ANKEF1: variants seen among roughly 807,000 people sequenced by gnomAD.
ANKEF1 encodes ankyrin repeat and EF-hand domain-containing protein 1.
A neutral mutation model predicts 65.1 loss-of-function variants in ANKEF1; 43 were observed. That is an observed-to-expected ratio of 0.66 (90% CI 0.52 to 0.85). ANKEF1 has a LOEUF of 0.85. ANKEF1 is among the 40% of genes least tolerant of loss of function. The pLI is 0.00. For synonymous variants in ANKEF1, 316 were observed against 341.5 expected (o/e 0.93, Z 0.82); for missense variants, 934 against 952.9 (o/e 0.98, Z 0.26).
At chr20:10,051,145 C>G (rs1276306670) in intron 7 of ANKEF1, among the ~76,000 whole-genome samples, 2 of 152,008 alleles carry the variant, frequency 1.3e-5, no homozygotes, top group Non-Finnish European at 2.9e-5. Flanking sequence ...CTTGTTAACA[C>G]AGTAGTTACA....
Position 10,043,711 on chromosome 20 carries a change from T to G in ANKEF1, c.546+390T>G, listed in dbSNP as rs557088594. Among the ~76,000 whole-genome samples, 6 of 139,494 alleles carry G rather than the reference T, an allele frequency of 4.3e-5. No individual in the cohort carries two copies. In the South Asian group the frequency reaches 1.4e-3, roughly 32 times the overall value. 91.5% of individuals were successfully genotyped at this position (139,494 alleles called of 152,430 possible). On this transcript the variant is annotated intron_variant, in intron 4 of 10. Transcript: ENST00000378392. Reference sequence around the variant, plus strand: ...TCTCACTCTGTTGCCCAGGTTGGAGTGCAGTGGTCCAATCTTGGCTCACTG... The same window carrying G: ...TCTCACTCTGTTGCCCAGGTTGGAGGGCAGTGGTCCAATCTTGGCTCACTG...
Position 10,043,030 on chromosome 20 carries a change from T to G in ANKEF1, c.347-92T>G, listed in dbSNP as rs896392412. On this transcript the variant is annotated intron_variant, in intron 3 of 10. Transcript: ENST00000378392. ...AAACTGAGGCAGATATGCCTTTAAC[T>G]AGCTAAATATGGATTTTTAATAATT... is the stretch of plus-strand genomic sequence containing the variant. The G allele has an allele frequency of 2.3e-6, 3 of 1,282,256 alleles. No homozygotes were observed. In the African/African-American group the frequency reaches 4.5e-5, roughly 19 times the overall value. 79.4% of individuals were successfully genotyped at this position (1,282,256 alleles called of 1,614,324 possible). A position where few individuals can be genotyped will look rare whatever the true frequency, so the allele number is the denominator to read the frequency against.
At position 10,038,447 on chromosome 20, in the gene ANKEF1, T is replaced by A; in HGVS notation, c.146T>A (p.Leu49His). 1 of 1,614,228 alleles carries A rather than the reference T, an allele frequency of 6.2e-7. No homozygotes were observed. Among genetic ancestry groups the A allele is most frequent in the Non-Finnish European group, 8.5e-7 (1 of 1,180,028 alleles). Residue 49 changes from leucine (L) to histidine (H), a missense_variant, in exon 3 of 11, where the codon CTT (leucine) becomes CAT (histidine). Leu to His is a moderately conservative substitution (Grantham distance 99). Coordinates refer to ENST00000378392, the MANE Select transcript of ANKEF1 (RefSeq NM_022096.6). ...AATTATACAGAACCCATTAATGGAC[T>A]TAGTGCTTTGCACTTAGCCTCAGTT... Reference protein sequence around the residue: ...LINYTEPINGLSALHLASVSN... With the variant: ...LINYTEPINGHSALHLASVSN...
rs771117764 is a variant in ANKEF1, at chr20:10,050,180, CAT to C, written c.1613_1614del (p.Ile538ArgfsTer8). 3.1e-6 allele frequency: 5 copies of C among 1,612,512 alleles called. No homozygotes were observed. In the African/African-American group the frequency reaches 4.0e-5, roughly 13 times the overall value. On this transcript the variant is annotated frameshift_variant, in exon 7 of 11. Transcript: ENST00000378392. LOFTEE classifies it high-confidence loss of function. ...TAATGACGGCGTGTGCAAGTGGAAA[CAT>C]AGATGTGGTCAAGTTTCTTCTTGAA... ...PLMTACASGN[I>X]DVVKFLLEKG...
At chr20:10,055,283 A>G (rs1416063861) in intron 10 of ANKEF1, among the ~76,000 whole-genome samples, 2 of 152,074 alleles carry the variant, frequency 1.3e-5, no homozygotes, top group Admixed American at 1.3e-4. Flanking sequence ...TTGTCTAGAC[A>G]GTCATCATCA....
chr20:10,047,541 T>C (rs1984586220), intron 6 of ANKEF1, among the ~76,000 whole-genome samples: 2 of 152,196 alleles, frequency 1.3e-5, no homozygotes, highest in South Asian at 4.1e-4. Context: ...TGGATTCATT[T>C]CTCACATTTC....
chr20:10,049,828 TG>T lies in ANKEF1; in HGVS notation c.1262del (p.Gly421AlafsTer35). 6.2e-7 allele frequency: 1 copy of T among 1,614,078 alleles called. No individual in the cohort carries two copies. The highest frequency in any genetic ancestry group is 8.5e-7 in the Non-Finnish European group (1 of 1,179,992). On this transcript the variant is annotated frameshift_variant, in exon 7 of 11. Coordinates refer to ENST00000378392, the MANE Select transcript of ANKEF1 (RefSeq NM_022096.6). LOFTEE classifies it high-confidence loss of function. ...SYGPKKKEKG[M>X]GKKGKKGKFV... is the part of the protein sequence containing the mutation. ...GGACCTAAGAAAAAGGAAAAAGGGA[TG>T]GGCAAAAAAGGAAAGAAAGGGAAAT... is the stretch of plus-strand genomic sequence containing the variant.
At chr20:10,050,281 A>G in intron 7 of ANKEF1, 69 bp downstream of exon 7, 1 of 1,300,712 alleles carries the variant, frequency 7.7e-7, no homozygotes, top group Non-Finnish European at 1.1e-6. Context: ...TGAAAAGATG[A>G]CCGAATTTTA....
intron 3 of ANKEF1, among the ~76,000 whole-genome samples, chr20:10,042,292 G>A (rs1358367207): frequency 6.6e-6 from 1 of 151,764 alleles, no homozygotes; most frequent in Non-Finnish European, 1.5e-5. Context: ...TATCCTTTTT[G>A]CGTGGCTTTC....
rs749551251 is a variant in ANKEF1, at chr20:10,051,879, A to G, written c.1860A>G (p.Glu620=). 1 of 1,609,040 alleles carries G rather than the reference A, an allele frequency of 6.2e-7. No homozygotes were observed. Among genetic ancestry groups the G allele is most frequent in the Non-Finnish European group, 8.5e-7 (1 of 1,177,754 alleles). The change falls in exon 8 of 11, where the codon GAA becomes GAG. Residue 620 remains glutamate, a synonymous_variant. Transcript: ENST00000378392. ...ATATTGGTGCTAAATTCCAGCTGGA[A>G]AATAGAAAAGGTATGCGTTCATATT... ...LLDIGAKFQL[E]NRKGHSAMDV... is the part of the protein sequence containing the mutation.
chr20:10,036,118 A>AT (rs1181961740), intron 2 of ANKEF1, among the ~76,000 whole-genome samples: 1 of 152,208 alleles, frequency 6.6e-6, no homozygotes, highest in East Asian at 1.9e-4. Flanking sequence ...GAAGGACACT[A>AT]TACAGGGTGC....
At chr20:10,038,215 G>T in intron 2 of ANKEF1, 43 bp from the exon 3 acceptor site, 3 of 811,994 alleles carry the variant, frequency 3.7e-6, no homozygotes. Context: ...AAATGAAGAT[G>T]ATAAAATTAA....
chr20:10,046,790 A>G (rs1436990107), intron 6 of ANKEF1, among the ~76,000 whole-genome samples: 1 of 152,204 alleles, frequency 6.6e-6, no homozygotes, highest in African/African-American at 2.4e-5. Flanking sequence ...TGTCTTTCAC[A>G]CAGACACAAA....
Position 10,053,139 on chromosome 20 carries a change from C to T in ANKEF1, c.1898C>T (p.Ala633Val). The T allele has an allele frequency of 1.9e-6, 3 of 1,608,166 alleles. No individual in the cohort carries two copies. The highest frequency in any genetic ancestry group is 1.1e-5 in the South Asian group (1 of 89,558). ...KGHSAMDVAK[A>V]YADYRIIDLI... ...CATAGTGCCATGGACGTTGCAAAGG[C>T]ATATGCTGATTATAGAATAATTGAT... Residue 633 changes from alanine to valine, a missense_variant, in exon 9 of 11, where the codon GCA (alanine) becomes GTA (valine). Physicochemically the swap from Ala to Val is moderately conservative, Grantham distance 64. Transcript: ENST00000378392.
At chr20:10,037,095 T>C (rs1187743316) in intron 2 of ANKEF1, among the ~76,000 whole-genome samples, 2 of 152,198 alleles carry the variant, frequency 1.3e-5, no homozygotes, top group South Asian at 4.2e-4. Flanking sequence ...AGGCTTGCGA[T>C]GGAGAAAAAT....
chr20:10,051,784 A>G lies in ANKEF1; in HGVS notation c.1765A>G (p.Ile589Val), dbSNP rs78089752. The change falls in exon 8 of 11, where the codon ATC (isoleucine) becomes GTC (valine). Residue 589 changes from isoleucine to valine, a missense_variant. Ile to Val is a conservative substitution (Grantham distance 29). Transcript: ENST00000378392. The stretch of plus-strand genomic sequence containing the variant: ...TGGAGCTTTAATAGATGCAGCTTCA[A>G]TCAACAACTCAACTCCTTTAAATAG... ...ESGALIDAAS[I>V]NNSTPLNRAI... 8.9e-4 allele frequency: 1,436 copies of G among 1,613,782 alleles called. 15 individuals carry two copies. In the African/African-American group the frequency reaches 0.017, roughly 19 times the overall value.
intron 8 of ANKEF1, among the ~76,000 whole-genome samples, 175 bp downstream of exon 8, chr20:10,052,064 A>G (rs562531910): frequency 3.3e-5 from 5 of 152,128 alleles, no homozygotes; most frequent in African/African-American, 4.8e-5. Context: ...TTCTCCACTC[A>G]TTGGTGTTGG....
At chr20:10,052,650 A>T (rs1215811984) in intron 8 of ANKEF1, among the ~76,000 whole-genome samples, 1 of 152,126 alleles carries the variant, frequency 6.6e-6, no homozygotes, top group East Asian at 1.9e-4. Flanking sequence ...TGATGATATT[A>T]TAGGTAACAT....
At chr20:10,038,754 GT>G in intron 3 of ANKEF1, 107 bp downstream of exon 3, 1 of 880,714 alleles carries the variant, frequency 1.1e-6, no homozygotes, top group Non-Finnish European at 1.7e-6. Flanking sequence ...ATTACTTATG[GT>G]TTTAAGGGAA....
Sources: gnomAD v4.1 joint callset for allele counts (sites outside exome capture counted in the v4.1 genomes callset) on GRCh38, gnomAD v4.1.1 for gene constraint, MANE v1.5 for transcripts, NCBI Gene and HGNC (gene_info 2026-07-23, HGNC 2026-07-21) for gene names.